Variants in PAPPA observed in about 807,000 individuals in gnomAD.
PAPPA encodes pappalysin 1.
A neutral mutation model predicts 164.0 loss-of-function variants in PAPPA; 60 were observed. The observed-to-expected ratio is 0.37, with a 90% CI of 0.30 to 0.45. The LOEUF is 0.45. PAPPA is among the 20% of genes least tolerant of loss of function. PAPPA has a pLI of 1.00. For missense variants in PAPPA, 1,782 were observed against 2,087.3 expected (o/e 0.85, Z 2.85); for synonymous variants, 875 against 814.1 (o/e 1.07, Z -1.27).
chr9:116,232,231 A>T (rs1208656132), intron 6 of PAPPA, among the ~76,000 whole-genome samples: 5 of 152,148 alleles, frequency 3.3e-5, no homozygotes, highest in African/African-American at 7.2e-5. Context: ...CTACAATTGC[A>T]CTTGAAAACC....
chr9:116,240,930 T>C (rs1844728343), intron 7 of PAPPA, among the ~76,000 whole-genome samples: 1 of 152,232 alleles, frequency 6.6e-6, no homozygotes, highest in Admixed American at 6.5e-5. Flanking sequence ...TATCCCAATT[T>C]AGTCATCTAT....
intron 9 of PAPPA, among the ~76,000 whole-genome samples, chr9:116,300,441 C>A (rs771189024): frequency 6.6e-5 from 10 of 152,070 alleles, no homozygotes; most frequent in Non-Finnish European, 1.0e-4. Context: ...CTGTGCCCAG[C>A]TAACTTTTGT....
intron 9 of PAPPA, among the ~76,000 whole-genome samples, chr9:116,294,554 C>CT (rs764578939): frequency 1.2e-4 from 18 of 152,194 alleles, no homozygotes; most frequent in Admixed American, 2.0e-4. Flanking sequence ...CCAGAGGAAA[C>CT]ATATGCCAAT....
chr9:116,165,794 G>A (rs1475449795), intron 1 of PAPPA, among the ~76,000 whole-genome samples: 1 of 152,136 alleles, frequency 6.6e-6, no homozygotes, highest in African/African-American at 2.4e-5. Flanking sequence ...CCAGGATTTT[G>A]CCAGAGTTTT....
chr9:116,359,811 G>A (rs1185509393), intron 17 of PAPPA, among the ~76,000 whole-genome samples: 2 of 152,196 alleles, frequency 1.3e-5, no homozygotes, highest in Admixed American at 1.3e-4. Flanking sequence ...AGCAAGAGAT[G>A]GAGCTAGAAA....
At chr9:116,195,715 C>T (rs190878262) in intron 2 of PAPPA, among the ~76,000 whole-genome samples, 14 of 152,242 alleles carry the variant, frequency 9.2e-5, no homozygotes, top group South Asian at 2.1e-4. Context: ...TGCCCTCCTC[C>T]GATAGATCTT....
chr9:116,289,325 G>T (rs10983103), intron 9 of PAPPA, among the ~76,000 whole-genome samples: 1 of 70,346 alleles, frequency 1.4e-5, no homozygotes, highest in Admixed American at 1.5e-4. Flanking sequence ...CATATATATG[G>T]CATATATATA....
chr9:116,291,424 T>C (rs1032880611), intron 9 of PAPPA, among the ~76,000 whole-genome samples: 1 of 152,202 alleles, frequency 6.6e-6, no homozygotes, highest in Non-Finnish European at 1.5e-5. Context: ...GACCTCTTTA[T>C]AATTAATATT....
intron 7 of PAPPA, among the ~76,000 whole-genome samples, chr9:116,249,584 T>C (rs1003652437): frequency 6.6e-6 from 1 of 152,140 alleles, no homozygotes; most frequent in Non-Finnish European, 1.5e-5. Context: ...TAGATCAAAA[T>C]GGTAAACGAG....
intron 8 of PAPPA, among the ~76,000 whole-genome samples, chr9:116,269,711 T>G (rs149558482): frequency 1.3e-5 from 2 of 152,202 alleles, no homozygotes; most frequent in Admixed American, 6.5e-5. Flanking sequence ...TGGGTGGCGA[T>G]GGAAGGGAGG....
At position 116,254,589 on chromosome 9, in the gene PAPPA, C is replaced by T. The variant is rs112225412; in HGVS notation, c.2733-11268C>T. On this transcript the variant is annotated intron_variant, in intron 7 of 21. Coordinates refer to ENST00000328252, the MANE Select transcript of PAPPA (RefSeq NM_002581.5). The stretch of plus-strand genomic sequence containing the variant: ...CAAGGTCAGGAGATCGAGACCATCC[C>T]GGCTAATACGGTGAAACCCCATCTC... Among the ~76,000 whole-genome samples the T allele has an allele frequency of 9.2e-4, 139 of 151,868 alleles. 1 individual carries two copies. The highest frequency in any genetic ancestry group is 1.9e-3 in the East Asian group (10 of 5,138).
At chr9:116,229,067 A>G (rs367972524) in intron 6 of PAPPA, among the ~76,000 whole-genome samples, 1 of 152,156 alleles carries the variant, frequency 6.6e-6, no homozygotes, top group South Asian at 2.1e-4. Flanking sequence ...TTACCATTCA[A>G]TGTGAACAGG....
chr9:116,303,992 CAA>C (rs1554750202), intron 10 of PAPPA, among the ~76,000 whole-genome samples: 1 of 152,130 alleles, frequency 6.6e-6, no homozygotes, highest in Non-Finnish European at 1.5e-5. Context: ...AGAGTGGAAA[CAA>C]ATGGTAACAT....
At chr9:116,342,546 G>A (rs747925601) in intron 13 of PAPPA, among the ~76,000 whole-genome samples, 7 of 152,148 alleles carry the variant, frequency 4.6e-5, no homozygotes, top group Non-Finnish European at 8.8e-5. Context: ...AGCTCCCCCC[G>A]CCTCCAGACT....
Position 116,334,471 on chromosome 9 carries a change from A to G in PAPPA, c.3398-390A>G, listed in dbSNP as rs149235611. On this transcript the variant is annotated intron_variant, in intron 12 of 21. Transcript: ENST00000328252. ...TGGGAAGCGCCTGTTGCTATGAATT[A>G]TTTCCATCACTTTTCCAACTGACCA... Among the ~76,000 whole-genome samples the G allele has an allele frequency of 2.4e-3, 363 of 152,162 alleles. 1 individual carries two copies. The highest frequency in any genetic ancestry group is 3.7e-3 in the Non-Finnish European group (249 of 68,018).
chr9:116,382,759 C>T (rs936724158), intron 21 of PAPPA, among the ~76,000 whole-genome samples: 4 of 151,996 alleles, frequency 2.6e-5, no homozygotes, highest in Non-Finnish European at 4.4e-5. Flanking sequence ...TAAGTACTTT[C>T]GGAAAGGAAG....
intron 1 of PAPPA, among the ~76,000 whole-genome samples, chr9:116,167,747 T>C (rs1372115772): frequency 2.0e-5 from 3 of 152,186 alleles, no homozygotes; most frequent in Non-Finnish European, 4.4e-5. Flanking sequence ...ATAGAGCCAA[T>C]ATTAAGCTCT....
At chr9:116,311,292 T>G (rs532669653) in intron 10 of PAPPA, among the ~76,000 whole-genome samples, 1 of 152,216 alleles carries the variant, frequency 6.6e-6, no homozygotes, top group South Asian at 2.1e-4. Flanking sequence ...CAACATGAGG[T>G]TGAACAAAGC....
At chr9:116,341,201 C>T (rs1363022705) in intron 13 of PAPPA, among the ~76,000 whole-genome samples, 2 of 151,924 alleles carry the variant, frequency 1.3e-5, no homozygotes, top group Non-Finnish European at 2.9e-5. Flanking sequence ...CCACCGCTCC[C>T]AGCTAATTTT....
Sources: allele counts gnomAD v4.1 joint callset (sites outside exome capture counted in the v4.1 genomes callset), GRCh38; gene constraint gnomAD v4.1.1; transcripts MANE v1.5; gene names NCBI Gene and HGNC (gene_info 2026-07-23, HGNC 2026-07-21).